The following STEAP3 variants were observed in gnomAD, a reference collection of about 807,000 sequenced individuals.
The protein encoded by STEAP3 is STEAP3 metalloreductase, also known as metalloreductase STEAP3.
STEAP3 carries 35 observed loss-of-function variants against 34.9 expected under a neutral mutation model. That is an observed-to-expected ratio of 1.00 (90% CI 0.76 to 1.33). The LOEUF (loss-of-function observed/expected upper bound fraction) is 1.33. STEAP3 is among the 40% of genes most tolerant of loss of function. STEAP3 has a pLI of 0.00. For missense variants in STEAP3, 652 were observed against 667.6 expected (o/e 0.98, Z 0.26); for synonymous variants, 281 against 301.6 (o/e 0.93, Z 0.71).
At chr2:119,228,075 C>A (rs905769230) in intron 1 of STEAP3, among the ~76,000 whole-genome samples, 2 of 152,170 alleles carry the variant, frequency 1.3e-5, no homozygotes, top group Non-Finnish European at 2.9e-5. Context: ...GGTGATCCAC[C>A]TGCCTCGGCC....
chr2:119,234,900 A>G (rs1259099282), intron 2 of STEAP3, among the ~76,000 whole-genome samples: 1 of 152,094 alleles, frequency 6.6e-6, no homozygotes, highest in Non-Finnish European at 1.5e-5. Flanking sequence ...AGCACTGACC[A>G]TCATCCTTCC....
intron 4 of STEAP3, 58 bp from the exon 5 acceptor site, chr2:119,254,605 TCTTGTGTCCTTCATCATTGCC>T: frequency 6.4e-7 from 1 of 1,563,740 alleles, no homozygotes; most frequent in East Asian, 2.3e-5. Flanking sequence ...GTCTTGTCTT[TCTTGTGTCCTTCATCATTGCC>T]CTCCCGGGGC....
chr2:119,245,339 T>TC, intron 2 of STEAP3, 150 bp from the exon 3 acceptor site: 1 of 1,143,226 alleles, frequency 8.7e-7, no homozygotes, highest in Non-Finnish European at 1.2e-6. Flanking sequence ...TTCAGCTTGT[T>TC]CCCCTGGTGC....
intron 2 of STEAP3, among the ~76,000 whole-genome samples, chr2:119,235,422 A>G (rs1677067369): frequency 6.6e-6 from 1 of 152,202 alleles, no homozygotes; most frequent in Non-Finnish European, 1.5e-5. Context: ...CAGGGAAAAA[A>G]AAAGTCAAAA....
intron 4 of STEAP3, chr2:119,248,453 A>G (rs1358676872): frequency 5.7e-6 from 3 of 526,630 alleles, no homozygotes; most frequent in Middle Eastern, 4.8e-4. Flanking sequence ...TAAACAAAAT[A>G]CAGCAGTGAG....
intron 4 of STEAP3, 56 bp downstream of exon 4, chr2:119,248,262 C>A (rs1184246587): frequency 7.2e-7 from 1 of 1,392,588 alleles, no homozygotes; most frequent in Non-Finnish European, 9.6e-7. Flanking sequence ...TTGTCCAGCA[C>A]CTCCCCCCCC....
chr2:119,257,792 G>A, intron 5 of STEAP3: 2 of 1,259,468 alleles, frequency 1.6e-6, no homozygotes, highest in Non-Finnish European at 2.0e-6. Flanking sequence ...ACCAGGCTAT[G>A]GGGACAGCCA....
intron 1 of STEAP3, among the ~76,000 whole-genome samples, chr2:119,224,384 C>A (rs989406485): frequency 6.6e-6 from 1 of 152,222 alleles, no homozygotes; most frequent in African/African-American, 2.4e-5. Context: ...TGGGCAGGGG[C>A]GCCCGACCTT....
At position 119,263,456 on chromosome 2, in the gene STEAP3, G is replaced by A. The variant is rs761197484; in HGVS notation, c.*118G>A. On this transcript the variant is annotated 3_prime_UTR_variant, in exon 6 of 6. Transcript: ENST00000393110. ...ACTGTGTGCAAATAGGAGGTTTGAG[G>A]TCCAAATTCCTGGGACTCAAATGTA... 39 of 1,406,092 alleles carry A rather than the reference G, an allele frequency of 2.8e-5. No homozygotes were observed. In the South Asian group the frequency reaches 4.7e-4, roughly 17 times the overall value. 87.1% of individuals were successfully genotyped at this position (1,406,092 alleles called of 1,614,324 possible).
At chr2:119,256,728 C>A (rs565783166) in intron 5 of STEAP3, among the ~76,000 whole-genome samples, 2 of 152,278 alleles carry the variant, frequency 1.3e-5, no homozygotes, top group South Asian at 2.1e-4. Context: ...TCCACAAAAA[C>A]CAGATGTCAA....
intron 5 of STEAP3, among the ~76,000 whole-genome samples, chr2:119,259,462 C>A (rs1677878711): frequency 6.6e-6 from 1 of 152,210 alleles, no homozygotes; most frequent in African/African-American, 2.4e-5. Context: ...ATTGGCTGGC[C>A]TTTGGCTGTC....
chr2:119,250,398 T>A (rs1677587562), intron 4 of STEAP3, among the ~76,000 whole-genome samples: 1 of 152,356 alleles, frequency 6.6e-6, no homozygotes, highest in East Asian at 1.9e-4. Flanking sequence ...GCCCCTCTTT[T>A]GTCCTCGAGG....
intron 2 of STEAP3, among the ~76,000 whole-genome samples, chr2:119,234,263 G>A (rs1677027840): frequency 6.6e-6 from 1 of 152,184 alleles, no homozygotes; most frequent in Non-Finnish European, 1.5e-5. Context: ...GGGAGGGGTG[G>A]GGGCAGCCAC....
intron 3 of STEAP3, 34 bp from the exon 4 acceptor site, chr2:119,247,630 ACTCCTGTGGCCTGTG>A: frequency 6.7e-6 from 10 of 1,489,786 alleles, no homozygotes; most frequent in Non-Finnish European, 8.9e-6. Flanking sequence ...GGCCCTGCCC[ACTCCTGTGGCCTGTG>A]ACGCCGTCTG....
rs564537662 is a variant in STEAP3, at chr2:119,254,631, C to T, written c.1051-53C>T. On this transcript the variant is annotated intron_variant, in intron 4 of 5. Coordinates refer to ENST00000393110, the MANE Select transcript of STEAP3 (RefSeq NM_182915.3). ...CTTGTGTCCTTCATCATTGCCCTCCCGGGGCACCAGCCTTTGCCACAGTGT... is the reference window on the plus strand; with the variant it reads ...CTTGTGTCCTTCATCATTGCCCTCCTGGGGCACCAGCCTTTGCCACAGTGT... 4.4e-5 allele frequency: 71 copies of T among 1,605,194 alleles called. 1 individual carries two copies. The South Asian group carries it at 6.4e-4, about 14-fold the overall frequency.
At chr2:119,227,667 G>C (rs573968316) in intron 1 of STEAP3, among the ~76,000 whole-genome samples, 1 of 152,118 alleles carries the variant, frequency 6.6e-6, no homozygotes, top group Non-Finnish European at 1.5e-5. Flanking sequence ...GCCGACTTCG[G>C]TACATATAAA....
intron 5 of STEAP3, among the ~76,000 whole-genome samples, chr2:119,256,183 A>AT (rs1421626924): frequency 6.6e-6 from 1 of 152,148 alleles, no homozygotes; most frequent in Non-Finnish European, 1.5e-5. Flanking sequence ...ATCCAAATTA[A>AT]TTGCTCCTGA....
intron 5 of STEAP3, among the ~76,000 whole-genome samples, chr2:119,256,583 A>G (rs964742149): frequency 6.6e-6 from 1 of 152,166 alleles, no homozygotes; most frequent in Non-Finnish European, 1.5e-5. Flanking sequence ...CTGAGACCCT[A>G]GCAGCTGCAT....
chr2:119,241,661 G>A (rs150513137), intron 2 of STEAP3, among the ~76,000 whole-genome samples: 72 of 152,240 alleles, frequency 4.7e-4, no homozygotes, highest in African/African-American at 1.5e-3. Flanking sequence ...ATGTCCCAGC[G>A]CCAGTTAGGG....
Sources: gnomAD v4.1 joint callset for allele counts (sites outside exome capture counted in the v4.1 genomes callset) on GRCh38, gnomAD v4.1.1 for gene constraint, MANE v1.5 for transcripts, NCBI Gene and HGNC (gene_info 2026-07-23, HGNC 2026-07-21) for gene names.